Variants in KCNQ3 observed in about 807,000 individuals in gnomAD.
KCNQ3 encodes potassium voltage-gated channel subfamily Q member 3, also known as potassium voltage-gated channel subfamily KQT member 3.
A neutral mutation model predicts 92.5 loss-of-function variants in KCNQ3; 30 were observed. The ratio of observed to expected loss-of-function variants is 0.32; its 90% CI spans 0.24 to 0.44. The LOEUF is 0.44. Ranked by LOEUF, KCNQ3 falls within the 20% of genes least tolerant of loss-of-function variation. KCNQ3 has a pLI of 1.00. For missense variants in KCNQ3, 913 were observed against 1,140.3 expected, an observed-to-expected ratio of 0.80 and a Z score of 2.87; for synonymous variants, 450 against 468.8, an observed-to-expected ratio of 0.96 and a Z score of 0.52.
At chr8:132,419,684 TA>T (rs1447921320) in intron 1 of KCNQ3, among the ~76,000 whole-genome samples, 21 of 152,226 alleles carry the variant, frequency 1.4e-4, no homozygotes, top group African/African-American at 4.8e-4. Context: ...GGTGCTATTC[TA>T]GGTGTTGTAC....
chr8:132,247,754 C>T (rs536970757), intron 1 of KCNQ3, among the ~76,000 whole-genome samples: 21 of 151,030 alleles, frequency 1.4e-4, no homozygotes, highest in Non-Finnish European at 2.4e-4. Context: ...GCCAAGATTG[C>T]GCCACTGCAC....
Position 132,162,010 on chromosome 8 carries a change from T to C in KCNQ3, c.1262+1458A>G, listed in dbSNP as rs1159580434. Among the ~76,000 whole-genome samples, 4 of 152,222 alleles carry C rather than the reference T, an allele frequency of 2.6e-5. No homozygotes were observed. The East Asian group carries it at 7.7e-4, about 29-fold the overall frequency. ...ACTTACATAATGACTTTGCTCTTCT[T>C]CTCTGAGGTGGGTGAGCCACCAAAC... On this transcript the variant is annotated intron_variant, in intron 9 of 14. Transcript: ENST00000388996.
intron 1 of KCNQ3, among the ~76,000 whole-genome samples, chr8:132,462,973 G>T (rs1822095858): frequency 6.6e-6 from 1 of 151,956 alleles, no homozygotes; most frequent in South Asian, 2.1e-4. Context: ...TACAGTATAT[G>T]CCTCATTCAA....
At chr8:132,218,301 A>G (rs1287586595) in intron 1 of KCNQ3, among the ~76,000 whole-genome samples, 1 of 152,238 alleles carries the variant, frequency 6.6e-6, no homozygotes, top group Non-Finnish European at 1.5e-5. Context: ...TGGATGGCGC[A>G]TAAAACAGAA....
intron 1 of KCNQ3, among the ~76,000 whole-genome samples, chr8:132,291,406 A>G (rs913238956): frequency 6.6e-6 from 1 of 152,162 alleles, no homozygotes; most frequent in African/African-American, 2.4e-5. Flanking sequence ...AGGCCTGCTT[A>G]TTATTGTTGT....
intron 1 of KCNQ3, among the ~76,000 whole-genome samples, chr8:132,220,463 A>G (rs1159243635): frequency 6.6e-6 from 1 of 152,188 alleles, no homozygotes; most frequent in African/African-American, 2.4e-5. Flanking sequence ...CTTTTTTAAA[A>G]TATGGCCAGG....
At chr8:132,144,355 A>C (rs1825389165) in intron 9 of KCNQ3, among the ~76,000 whole-genome samples, 1 of 152,218 alleles carries the variant, frequency 6.6e-6, no homozygotes, top group Non-Finnish European at 1.5e-5. Context: ...AAGACCCCAA[A>C]GGATAATCAA....
chr8:132,199,935 T>C (rs1827410093), intron 1 of KCNQ3, among the ~76,000 whole-genome samples: 2 of 147,368 alleles, frequency 1.4e-5, no homozygotes, highest in Admixed American at 6.7e-5. Context: ...AAAGTGTAAA[T>C]ATGTAAAAGT....
chr8:132,281,143 T>C (rs1235844193), intron 1 of KCNQ3, among the ~76,000 whole-genome samples: 1 of 152,136 alleles, frequency 6.6e-6, no homozygotes, highest in African/African-American at 2.4e-5. Context: ...GTGGATAAGA[T>C]ATCATTAACT....
At chr8:132,272,811 G>T (rs573564502) in intron 1 of KCNQ3, among the ~76,000 whole-genome samples, 2 of 152,102 alleles carry the variant, frequency 1.3e-5, no homozygotes, top group African/African-American at 4.8e-5. Flanking sequence ...TGAGATTTGG[G>T]TGGGGAAACA....
intron 1 of KCNQ3, among the ~76,000 whole-genome samples, chr8:132,266,045 T>C (rs956359189): frequency 6.6e-6 from 1 of 152,206 alleles, no homozygotes; most frequent in African/African-American, 2.4e-5. Context: ...CTTAGAGCCA[T>C]GGATTTCTCC....
chr8:132,366,696 T>C (rs1381320306), intron 1 of KCNQ3, among the ~76,000 whole-genome samples: 3 of 152,180 alleles, frequency 2.0e-5, no homozygotes, highest in Non-Finnish European at 4.4e-5. Flanking sequence ...TTTTGCCAAA[T>C]GCCTTTTCAG....
At chr8:132,330,350 G>A (rs1254492668) in intron 1 of KCNQ3, among the ~76,000 whole-genome samples, 2 of 152,206 alleles carry the variant, frequency 1.3e-5, no homozygotes, top group African/African-American at 2.4e-5. Context: ...ACTTCATTAT[G>A]GCCATCTCAG....
chr8:132,129,476 C>T lies in KCNQ3; in HGVS notation c.2405G>A (p.Arg802Lys), dbSNP rs1459646148. Residue 802 changes from arginine (R) to lysine (K), a missense_variant, in exon 15 of 15, where the codon AGG (arginine) becomes AAG (lysine). Transcript: ENST00000388996. This position sits in a 1 kb window ranked among gnomAD's most constrained non-coding sequence, Gnocchi z 5.9. ...GGAGATGCTGAAGCCACTTGGAGAC[C>T]TCTCCAGCTCCTCGTGGTTGACCGA... The part of the protein sequence containing the change: ...LMSVNHEELE[R>K]SPSGFSISQD... The T allele has an allele frequency of 6.2e-7, 1 of 1,614,194 alleles. No homozygotes were observed.
At chr8:132,260,658 A>T (rs1244453394) in intron 1 of KCNQ3, among the ~76,000 whole-genome samples, 1 of 152,058 alleles carries the variant, frequency 6.6e-6, no homozygotes, top group Admixed American at 6.6e-5. Context: ...TCTCCAATCT[A>T]TTCCCATCCT....
At chr8:132,428,636 GT>G (rs1821169967) in intron 1 of KCNQ3, among the ~76,000 whole-genome samples, 1 of 152,050 alleles carries the variant, frequency 6.6e-6, no homozygotes, top group South Asian at 2.1e-4. Context: ...CTTTTATTAG[GT>G]TTTAAAAATA....
At chr8:132,449,830 C>G (rs1821780172) in intron 1 of KCNQ3, among the ~76,000 whole-genome samples, 1 of 152,118 alleles carries the variant, frequency 6.6e-6, no homozygotes, top group Non-Finnish European at 1.5e-5. Context: ...AGTTAAGAAC[C>G]ACTGAGGCCT....
rs1825239310 is a variant in KCNQ3 at position 132,140,168 on chromosome 8, T to C, written c.1476A>G (p.Thr492=). 1.2e-6 allele frequency: 2 copies of C among 1,613,138 alleles called. No homozygotes were observed. Among genetic ancestry groups the C allele is most frequent in the Non-Finnish European group, 1.7e-6 (2 of 1,179,540 alleles). The part of the protein sequence containing the change: ...AFWQSSEDAG[T]GDPMAEDRGY... ...CCCTGTCTTCCGCCATGGGGTCACCTGTCCCGGCATCTGGGAGGGAGACAC... is the reference window on the plus strand; with the variant it reads ...CCCTGTCTTCCGCCATGGGGTCACCCGTCCCGGCATCTGGGAGGGAGACAC... The change falls in exon 11 of 15, where the codon ACA becomes ACG. Residue 492 remains threonine, a synonymous_variant. Transcript: ENST00000388996.
In KCNQ3 at chr8:132,128,524, T is replaced by A. The variant is rs981811591; in HGVS notation, c.*738A>T. On this transcript the variant is annotated 3_prime_UTR_variant, in exon 15 of 15. Transcript: ENST00000388996. Reference sequence around the variant, plus strand: ...CTTTGTGTATGTGTGTGTGTGTGTGTGTGTGTGTGTGTGTGTGTGTGTTTT... The same window carrying A: ...CTTTGTGTATGTGTGTGTGTGTGTGAGTGTGTGTGTGTGTGTGTGTGTTTT... 1 of 151,702 alleles carries A rather than the reference T, an allele frequency of 6.6e-6. No homozygotes were observed. The highest frequency in any genetic ancestry group is 2.5e-5 in the African/African-American group (1 of 40,686). The allele number at this position is 151,702 out of a possible 1,614,324, so 9.4% of individuals were successfully genotyped here.
Sources: allele counts gnomAD v4.1 joint callset (sites outside exome capture counted in the v4.1 genomes callset), GRCh38; gene constraint gnomAD v4.1.1; non-coding constraint Gnocchi (gnomAD v3.1); transcripts MANE v1.5; gene names NCBI Gene and HGNC (gene_info 2026-07-23, HGNC 2026-07-21).